The following SP4 variants were observed in gnomAD, a reference collection of about 807,000 sequenced individuals.
SP4 encodes Sp4 transcription factor.
In SP4, 19 loss-of-function variants were observed where a neutral mutation model predicts 72.8. The observed-to-expected ratio is 0.26, with a 90% confidence interval of 0.18 to 0.38. The LOEUF is 0.38. Among genes scored for constraint, SP4 ranks in the 10% least tolerant of loss-of-function variants. The probability of loss-of-function intolerance (pLI) is 1.00; values close to 1 mark genes in which losing one functional copy is unlikely to be tolerated. For missense variants in SP4, 1,008 were observed against 926.3 expected (o/e 1.09, Z -1.14); for synonymous variants, 395 against 333.1 (o/e 1.19, Z -2.02).
At chr7:21,483,954 A>AT (rs1784751795) in intron 5 of SP4, among the ~76,000 whole-genome samples, 1 of 151,892 alleles carries the variant, frequency 6.6e-6, no homozygotes, top group Non-Finnish European at 1.5e-5. Flanking sequence ...GGAGAAATAA[A>AT]ACTGACATTT....
In SP4 at chr7:21,477,321, T is replaced by A. The variant is rs1378458477; in HGVS notation, c.1907+14T>A. On this transcript the variant is annotated intron_variant, in intron 4 of 5. Coordinates refer to ENST00000222584, the MANE Select transcript of SP4 (RefSeq NM_003112.5). ...AGGAGAAGGAAGGTAAATGCTGTATTTTTCAACTGTGTCTATTTGGAAGGC... is the reference window on the plus strand; with the variant it reads ...AGGAGAAGGAAGGTAAATGCTGTATATTTCAACTGTGTCTATTTGGAAGGC... 6.4e-7 allele frequency: 1 copy of A among 1,557,900 alleles called. No individual in the cohort carries two copies. Among genetic ancestry groups the A allele is most frequent in the Non-Finnish European group, 8.8e-7 (1 of 1,131,818 alleles).
Position 21,512,721 on chromosome 7 carries a change from C to T in SP4, c.*1452C>T, listed in dbSNP as rs1583456084. Reference sequence around the variant, plus strand: ...GGATTAACAGGCGCCTGCCACCATGCCTGGCTAATTTTTGTATTTTTAGTA... The same window carrying T: ...GGATTAACAGGCGCCTGCCACCATGTCTGGCTAATTTTTGTATTTTTAGTA... On this transcript the variant is annotated 3_prime_UTR_variant, in exon 6 of 6. Coordinates refer to ENST00000222584, the MANE Select transcript of SP4 (RefSeq NM_003112.5). The T allele has an allele frequency of 6.6e-6, 1 of 152,294 alleles. No individual in the cohort carries two copies. The highest frequency in any genetic ancestry group is 6.5e-5 in the Admixed American group (1 of 15,272). The allele number at this position is 152,294 out of a possible 1,614,324, so 9.4% of individuals were successfully genotyped here.
chr7:21,441,807 A>G (rs1329518712), intron 3 of SP4, among the ~76,000 whole-genome samples: 4 of 152,116 alleles, frequency 2.6e-5, no homozygotes, highest in Non-Finnish European at 5.9e-5. Flanking sequence ...GGATTAGGTA[A>G]AAACATCAGG....
At chr7:21,497,870 C>G (rs1464205160) in intron 5 of SP4, among the ~76,000 whole-genome samples, 1 of 152,222 alleles carries the variant, frequency 6.6e-6, no homozygotes, top group Admixed American at 6.5e-5. Context: ...AAAAATCACT[C>G]ATTATGCAGA....
At chr7:21,484,961 A>G (rs1164223675) in intron 5 of SP4, among the ~76,000 whole-genome samples, 4 of 151,926 alleles carry the variant, frequency 2.6e-5, no homozygotes, top group Non-Finnish European at 4.4e-5. Context: ...TTGACAATTC[A>G]TAATCCAATA....
At chr7:21,487,702 G>A (rs12673975) in intron 5 of SP4, among the ~76,000 whole-genome samples, 109,190 of 150,386 alleles carry the variant, frequency 0.73, 40,526 homozygotes, top group East Asian at 0.9. Context: ...TGTTGTAGGC[G>A]TTCCTGAATT....
rs1782144222 is a variant in SP4 at position 21,511,586 on chromosome 7, A to G, written c.*317A>G. The G allele has an allele frequency of 4.4e-6, 1 of 226,384 alleles. No individual in the cohort carries two copies. Among genetic ancestry groups the G allele is most frequent in the South Asian group, 9.8e-5 (1 of 10,186 alleles). 14.0% of individuals were successfully genotyped at this position (226,384 alleles called of 1,614,324 possible). A position where few individuals can be genotyped will look rare whatever the true frequency, so the allele number is the denominator to read the frequency against. On this transcript the variant is annotated 3_prime_UTR_variant, in exon 6 of 6. Coordinates refer to ENST00000222584, the MANE Select transcript of SP4 (RefSeq NM_003112.5). ...GTGTTAACATGTTTAAAAAGACCTT[A>G]GTAGTTTGCAGGCTGGACCTTAATT...
intron 3 of SP4, among the ~76,000 whole-genome samples, chr7:21,469,396 A>G (rs1235689952): frequency 1.3e-5 from 2 of 152,164 alleles, no homozygotes; most frequent in Non-Finnish European, 2.9e-5. Flanking sequence ...ATAGTTTTCT[A>G]TGGTGAGCAT....
chr7:21,486,891 A>G (rs1438290713), intron 5 of SP4, among the ~76,000 whole-genome samples: 5 of 152,164 alleles, frequency 3.3e-5, no homozygotes, highest in African/African-American at 1.2e-4. Context: ...AATAATTACT[A>G]TTTTAGAGGA....
rs1184072670 is a variant in SP4 at position 21,428,272 on chromosome 7, AC to A, written c.7+20del. On this transcript the variant is annotated intron_variant, in intron 1 of 5. Coordinates refer to ENST00000222584, the MANE Select transcript of SP4 (RefSeq NM_003112.5). ...GCGGGATGAGCGGTACGTATTCTCC[AC>A]CCCCCTCAGTCTCCTTCGCCGCCTC... The A allele has an allele frequency of 2.4e-5, 35 of 1,439,866 alleles. No individual in the cohort carries two copies. Among genetic ancestry groups the A allele is most frequent in the Non-Finnish European group, 3.2e-5 (34 of 1,069,920 alleles). 89.2% of individuals were successfully genotyped at this position (1,439,866 alleles called of 1,614,324 possible).
At chr7:21,500,641 T>G (rs1043599492) in intron 5 of SP4, among the ~76,000 whole-genome samples, 3 of 152,134 alleles carry the variant, frequency 2.0e-5, no homozygotes, top group Non-Finnish European at 2.9e-5. Flanking sequence ...CCTCCAGTGT[T>G]TACACTTGGA....
intron 5 of SP4, among the ~76,000 whole-genome samples, chr7:21,496,066 A>C (rs1261780352): frequency 6.6e-6 from 1 of 152,178 alleles, no homozygotes; most frequent in East Asian, 1.9e-4. Flanking sequence ...GACAGAGAAC[A>C]GATTTGTGTT....
intron 3 of SP4, among the ~76,000 whole-genome samples, chr7:21,434,212 G>A (rs1782970764): frequency 6.6e-6 from 1 of 152,126 alleles, no homozygotes; most frequent in Non-Finnish European, 1.5e-5. Context: ...TAGTAGCTTT[G>A]ACGGAATGTA....
At chr7:21,467,495 T>C (rs1784201786) in intron 3 of SP4, among the ~76,000 whole-genome samples, 1 of 152,144 alleles carries the variant, frequency 6.6e-6, no homozygotes, top group Non-Finnish European at 1.5e-5. Flanking sequence ...GAAACCCTTA[T>C]TAGCAGTCAT....
At chr7:21,469,037 C>A (rs868776106) in intron 3 of SP4, among the ~76,000 whole-genome samples, 29 of 152,152 alleles carry the variant, frequency 1.9e-4, no homozygotes, top group African/African-American at 6.5e-4. Context: ...CTAGGACTAT[C>A]CCTTGGAAAT....
intron 3 of SP4, among the ~76,000 whole-genome samples, chr7:21,476,871 G>A (rs188696236): frequency 6.0e-4 from 91 of 152,164 alleles, no homozygotes; most frequent in African/African-American, 1.9e-3. Flanking sequence ...ATATAGTTCC[G>A]TTATCTAGAT....
intron 3 of SP4, among the ~76,000 whole-genome samples, chr7:21,473,004 A>C (rs1251552967): frequency 6.6e-6 from 1 of 152,212 alleles, no homozygotes; most frequent in South Asian, 2.1e-4. Context: ...CTTGTGGTAG[A>C]GTGCTTTGAA....
At chr7:21,484,223 C>A (rs530455033) in intron 5 of SP4, among the ~76,000 whole-genome samples, 102 of 151,940 alleles carry the variant, frequency 6.7e-4, no homozygotes, top group African/African-American at 2.4e-3. Flanking sequence ...TTCTAGATTT[C>A]GGATTTTTTC....
intron 3 of SP4, among the ~76,000 whole-genome samples, chr7:21,472,375 C>T (rs1784372622): frequency 1.3e-5 from 2 of 152,076 alleles, no homozygotes; most frequent in African/African-American, 4.8e-5. Flanking sequence ...GTCTTGATCC[C>T]CAGGGCTCAA....
Sources: gnomAD v4.1 joint callset for allele counts (sites outside exome capture counted in the v4.1 genomes callset) on GRCh38, gnomAD v4.1.1 for gene constraint, MANE v1.5 for transcripts, NCBI Gene and HGNC (gene_info 2026-07-23, HGNC 2026-07-21) for gene names.